Variants in CHMP6 observed in about 807,000 individuals in gnomAD.
CHMP6 encodes the protein charged multivesicular body protein 6.
In CHMP6, 10 loss-of-function variants were observed where a neutral mutation model predicts 32.8. That is an observed-to-expected ratio of 0.30 (90% CI 0.19 to 0.52). The LOEUF is 0.52. Among genes scored for constraint, CHMP6 ranks in the 20% least tolerant of loss-of-function variants. The probability of loss-of-function intolerance (pLI) is 0.97; values close to 1 mark genes in which losing one functional copy is unlikely to be tolerated. For missense variants in CHMP6, 269 were observed against 263.8 expected, an observed-to-expected ratio of 1.02 and a Z score of -0.14; for synonymous variants, 123 against 105.8, an observed-to-expected ratio of 1.16 and a Z score of -1.00.
At chr17:80,997,730 A>C (rs1178782952) in intron 6 of CHMP6, among the ~76,000 whole-genome samples, 4 of 148,240 alleles carry the variant, frequency 2.7e-5, no homozygotes, top group African/African-American at 5.0e-5. Flanking sequence ...GTCTGTATTC[A>C]CTCCCCGACA....
intron 6 of CHMP6, among the ~76,000 whole-genome samples, chr17:80,997,959 C>T (rs1387657428): frequency 6.6e-6 from 1 of 152,238 alleles, no homozygotes; most frequent in Non-Finnish European, 1.5e-5. Flanking sequence ...CAGAAGCACC[C>T]GTGCTGGCTT....
At position 80,997,245 on chromosome 17, in the gene CHMP6, G is replaced by T. The variant is rs1205141480; in HGVS notation, c.415-16G>T. 2 of 1,607,278 alleles carry T rather than the reference G, an allele frequency of 1.2e-6. No homozygotes were observed. Among genetic ancestry groups the T allele is most frequent in the African/African-American group, 1.3e-5 (1 of 74,324 alleles). On this transcript the variant is annotated splice_polypyrimidine_tract_variant and intron_variant, in intron 5 of 7. Coordinates refer to ENST00000325167, the MANE Select transcript of CHMP6 (RefSeq NM_024591.5). The stretch of plus-strand genomic sequence containing the variant: ...CCACCTCCTCGCTGCTCTCACCACC[G>T]CCTGTCCTTTTGCAGCAAATAGACG...
Position 80,991,948 on chromosome 17 carries a change from G to C in CHMP6, c.30G>C (p.Gln10His). The change falls in exon 1 of 8, where the codon CAG becomes CAC. Residue 10 changes from glutamine to histidine, a missense_variant. By Grantham distance (24) the Gln-to-His change is conservative (BLOSUM62 0). Transcript: ENST00000325167. MGNLFGRKK[Q>H]SRVTEQDKAI... is the part of the protein sequence containing the mutation. ...GTAACCTGTTCGGCCGCAAGAAGCA[G>C]AGCCGCGTCACGGAGCAGGACAAGG... is the stretch of plus-strand genomic sequence containing the variant. 6.8e-7 allele frequency: 1 copy of C among 1,468,632 alleles called. No individual in the cohort carries two copies. Among genetic ancestry groups the C allele is most frequent in the Non-Finnish European group, 9.1e-7 (1 of 1,103,894 alleles). 91.0% of individuals were successfully genotyped at this position (1,468,632 alleles called of 1,614,324 possible). A position where few individuals can be genotyped will look rare whatever the true frequency, so the allele number is the denominator to read the frequency against.
chr17:80,995,523 G>C, intron 3 of CHMP6, 149 bp from the exon 4 acceptor site: 1 of 650,352 alleles, frequency 1.5e-6, no homozygotes, highest in Non-Finnish European at 2.7e-6. Flanking sequence ...CTGGCAGTGG[G>C]AGAGGACAGG....
chr17:80,998,975 G>C (rs1030650747), intron 7 of CHMP6, 123 bp from the exon 8 acceptor site: 1 of 1,098,418 alleles, frequency 9.1e-7, no homozygotes, highest in African/African-American at 1.6e-5. Context: ...AGAGCTGGGC[G>C]TGCCCTTCCC....
chr17:80,998,788 T>TG (rs2069661239), intron 7 of CHMP6: 1 of 917,154 alleles, frequency 1.1e-6, no homozygotes, highest in Non-Finnish European at 1.5e-6. Flanking sequence ...ACCTGCCCAC[T>TG]GGGAAGCTGA....
intron 5 of CHMP6, 57 bp from the exon 6 acceptor site, chr17:80,997,204 C>T: frequency 6.2e-7 from 1 of 1,608,188 alleles, no homozygotes. Flanking sequence ...AGGCCATCTC[C>T]TTCCTCCCTG....
rs1274894348 is a variant in CHMP6 at position 80,999,172 on chromosome 17, G to C, written c.*19G>C. 6.2e-7 allele frequency: 1 copy of C among 1,613,642 alleles called. No homozygotes were observed. The highest frequency in any genetic ancestry group is 8.5e-7 in the Non-Finnish European group (1 of 1,179,836). ...TTCGTAACGTGGCCTCGTCTTGTGG[G>C]ACTCACGGGGATGCCCCAGGGACTG... On this transcript the variant is annotated 3_prime_UTR_variant, in exon 8 of 8. Coordinates refer to ENST00000325167, the MANE Select transcript of CHMP6 (RefSeq NM_024591.5).
chr17:80,993,570 C>T (rs1034802733), intron 1 of CHMP6, among the ~76,000 whole-genome samples: 8 of 152,372 alleles, frequency 5.3e-5, no homozygotes, highest in East Asian at 3.9e-4. Flanking sequence ...CCTGACTGAG[C>T]TAATTCTCCT....
chr17:80,996,861 G>A, intron 4 of CHMP6, 146 bp from the exon 5 acceptor site: 1 of 801,468 alleles, frequency 1.2e-6, no homozygotes, highest in Non-Finnish European at 1.9e-6. Flanking sequence ...AGCCCAGCCT[G>A]GGCAACACAG....
At chr17:80,992,497 C>G (rs2069601658) in intron 1 of CHMP6, among the ~76,000 whole-genome samples, 1 of 152,230 alleles carries the variant, frequency 6.6e-6, no homozygotes, top group Admixed American at 6.5e-5. Flanking sequence ...TCTCCCTCAC[C>G]CCATCCAGGC....
chr17:80,992,139 G>A (rs1457822891), intron 1 of CHMP6, among the ~76,000 whole-genome samples, 158 bp downstream of exon 1: 2 of 151,390 alleles, frequency 1.3e-5, no homozygotes, highest in Non-Finnish European at 3.0e-5. Context: ...TCTCCGCCCT[G>A]CGTCCCTCCT....
intron 2 of CHMP6, 56 bp from the exon 3 acceptor site, chr17:80,994,963 G>A (rs1254156507): frequency 6.8e-7 from 1 of 1,468,700 alleles, no homozygotes; most frequent in Non-Finnish European, 9.2e-7. Context: ...CCTGTCGGCT[G>A]GGGTGGGGGG....
chr17:80,997,099 C>A, intron 5 of CHMP6, 27 bp downstream of exon 5: 1 of 1,611,714 alleles, frequency 6.2e-7, no homozygotes, highest in Non-Finnish European at 8.5e-7. Flanking sequence ...CCGGCCTGCC[C>A]CCAACTGTGA....
At chr17:80,998,932 C>A (rs963403873) in intron 7 of CHMP6, among the ~76,000 whole-genome samples, 166 bp from the exon 8 acceptor site, 9 of 152,224 alleles carry the variant, frequency 5.9e-5, no homozygotes, top group Non-Finnish European at 1.5e-5. Context: ...TCTGTCAGCC[C>A]CATTGGCTTC....
intron 1 of CHMP6, among the ~76,000 whole-genome samples, chr17:80,993,248 A>G (rs1376724812): frequency 6.7e-6 from 1 of 149,440 alleles, no homozygotes; most frequent in Non-Finnish European, 1.5e-5. Flanking sequence ...TCCTTAGCAC[A>G]CACTAGCACA....
chr17:80,998,578 G>A, intron 7 of CHMP6, 158 bp downstream of exon 7: 1 of 1,496,358 alleles, frequency 6.7e-7, no homozygotes, highest in Non-Finnish European at 8.9e-7. Context: ...TGGCCTTGGG[G>A]TTGGGCTTGG....
intron 5 of CHMP6, 76 bp downstream of exon 5, chr17:80,997,148 C>T (rs537210333): frequency 4.4e-6 from 7 of 1,601,026 alleles, no homozygotes; most frequent in Admixed American, 1.7e-5. Flanking sequence ...AACTGTCCCA[C>T]ATCCTAGAGC....
At chr17:80,998,693 C>A in intron 7 of CHMP6, 1 of 1,379,922 alleles carries the variant, frequency 7.2e-7, no homozygotes, top group South Asian at 1.5e-5. Flanking sequence ...TTTAGCAGCA[C>A]CAGCTCATTC....
Sources: allele counts gnomAD v4.1 joint callset (sites outside exome capture counted in the v4.1 genomes callset), GRCh38; gene constraint gnomAD v4.1.1; transcripts MANE v1.5; gene names NCBI Gene and HGNC (gene_info 2026-07-23, HGNC 2026-07-21).